Variants in EPRS1 observed in about 807,000 individuals in gnomAD.
The protein encoded by EPRS1 is bifunctional glutamate/proline--tRNA ligase.
In EPRS1, 107 loss-of-function variants were observed where a neutral mutation model predicts 188.3. The observed-to-expected ratio is 0.57, with a 90% CI of 0.49 to 0.67. The LOEUF is 0.67. Ranked by LOEUF, EPRS1 falls within the 30% of genes least tolerant of loss-of-function variation. The pLI is 0.00. For missense variants in EPRS1, 1,577 were observed against 1,802.2 expected (o/e 0.88, Z 2.26); for synonymous variants, 596 against 593.1 (o/e 1.00, Z -0.07).
intron 27 of EPRS1, among the ~76,000 whole-genome samples, chr1:219,978,937 T>TAC (rs1660832933): frequency 1.8e-5 from 1 of 55,630 alleles, no homozygotes; most frequent in African/African-American, 1.0e-4. Flanking sequence ...CTATTTTTCA[T>TAC]ATGTGTGTGT....
At chr1:220,024,586 G>C in intron 7 of EPRS1, 130 bp from the exon 8 acceptor site, 2 of 592,690 alleles carry the variant, frequency 3.4e-6, no homozygotes, top group Non-Finnish European at 5.7e-6. Flanking sequence ...AATGGTTGTG[G>C]AAGTTACATG....
At chr1:220,025,034 T>C (rs1661947861) in intron 7 of EPRS1, 98 bp downstream of exon 7, 2 of 1,219,660 alleles carry the variant, frequency 1.6e-6, no homozygotes, top group Non-Finnish European at 2.4e-6. Flanking sequence ...AAAGCAGCTA[T>C]GAGAACAAAA....
intron 18 of EPRS1, among the ~76,000 whole-genome samples, chr1:219,994,220 C>T (rs1241247081): frequency 6.6e-6 from 1 of 152,100 alleles, no homozygotes; most frequent in African/African-American, 2.4e-5. Context: ...TTCCACATCC[C>T]AAAGCTGCAC....
intron 8 of EPRS1, 26 bp from the exon 9 acceptor site, chr1:220,022,544 T>C (rs201744610): frequency 2.9e-5 from 44 of 1,538,770 alleles, no homozygotes; most frequent in Non-Finnish European, 3.7e-5. Flanking sequence ...TACATTACGG[T>C]TCACTAATCT....
intron 1 of EPRS1, among the ~76,000 whole-genome samples, chr1:220,044,859 A>G (rs1037003708): frequency 1.3e-5 from 2 of 152,168 alleles, no homozygotes; most frequent in African/African-American, 4.8e-5. Flanking sequence ...AGTAAGTGGC[A>G]GCCAGGATTG....
intron 29 of EPRS1, 65 bp from the exon 30 acceptor site, chr1:219,972,212 C>T: frequency 2.0e-6 from 2 of 996,376 alleles, no homozygotes; most frequent in South Asian, 1.6e-5. Context: ...TTTTATGAAA[C>T]ACATAAGCAC....
chr1:220,045,350 C>T (rs960986919), intron 1 of EPRS1, among the ~76,000 whole-genome samples: 2 of 151,974 alleles, frequency 1.3e-5, no homozygotes, highest in Non-Finnish European at 2.9e-5. Context: ...GACACAAACA[C>T]AAAATTAGCC....
chr1:220,019,201 T>C, intron 10 of EPRS1, 122 bp from the exon 11 acceptor site: 2 of 690,370 alleles, frequency 2.9e-6, no homozygotes, highest in Non-Finnish European at 5.1e-6. Context: ...AAGAGCTAGT[T>C]ATACTAATTA....
At chr1:219,969,819 TA>T (rs946715063) in intron 30 of EPRS1, among the ~76,000 whole-genome samples, 3 of 151,800 alleles carry the variant, frequency 2.0e-5, no homozygotes, top group African/African-American at 4.8e-5. Context: ...AGACAAGCAT[TA>T]AAAAAAAATT....
At chr1:220,026,376 G>A (rs188627060) in intron 6 of EPRS1, among the ~76,000 whole-genome samples, 145 of 152,190 alleles carry the variant, frequency 9.5e-4, no homozygotes, top group African/African-American at 3.4e-3. Context: ...TCAAGTACAT[G>A]AGTAAAAGAA....
intron 8 of EPRS1, among the ~76,000 whole-genome samples, chr1:220,023,417 T>G (rs1661913585): frequency 6.6e-6 from 1 of 152,186 alleles, no homozygotes; most frequent in Non-Finnish European, 1.5e-5. Flanking sequence ...AATGTGGCAC[T>G]CCAGGTTTAA....
chr1:220,043,960 A>T (rs1662350118), intron 1 of EPRS1, among the ~76,000 whole-genome samples: 1 of 152,170 alleles, frequency 6.6e-6, no homozygotes, highest in Non-Finnish European at 1.5e-5. Context: ...CATTAGATGG[A>T]AGCATTGTAT....
At chr1:219,973,216 A>G (rs760748249) in intron 29 of EPRS1, 22 bp downstream of exon 29, 4 of 1,605,528 alleles carry the variant, frequency 2.5e-6, no homozygotes, top group East Asian at 2.2e-5. Context: ...AGAGAGAGAC[A>G]TAAGCAATTT....
At chr1:220,000,997 C>A (rs944366594) in intron 17 of EPRS1, 141 bp downstream of exon 17, 37 of 647,126 alleles carry the variant, frequency 5.7e-5, no homozygotes, top group Non-Finnish European at 9.8e-5. Flanking sequence ...GAAAGGATAA[C>A]AACAAAATGC....
intron 6 of EPRS1, among the ~76,000 whole-genome samples, chr1:220,026,031 G>A (rs920556284): frequency 6.6e-6 from 1 of 152,178 alleles, no homozygotes; most frequent in African/African-American, 2.4e-5. Flanking sequence ...TTGACCTCGT[G>A]ATCCGCCTGC....
chr1:219,988,797 G>A lies in EPRS1; in HGVS notation c.2568C>T (p.Cys856=). The part of the protein sequence containing the change: ...PKAKINEAVE[C]LLSLKAQYKE... Reference sequence around the variant, plus strand: ...TATACTGAGCCTTCAGGGACAGTAAGCATTCTACAGCTTCATTTATTTTAG... The same window carrying A: ...TATACTGAGCCTTCAGGGACAGTAAACATTCTACAGCTTCATTTATTTTAG... The change falls in exon 19 of 32, where the codon TGC becomes TGT. Residue 856 remains cysteine (C), a synonymous_variant. Coordinates refer to ENST00000366923, the MANE Select transcript of EPRS1 (RefSeq NM_004446.3). 6.2e-7 allele frequency: 1 copy of A among 1,603,378 alleles called. No homozygotes were observed. Among genetic ancestry groups the A allele is most frequent in the Non-Finnish European group, 8.5e-7 (1 of 1,173,782 alleles).
intron 13 of EPRS1, among the ~76,000 whole-genome samples, chr1:220,010,378 C>T (rs1439013915): frequency 1.3e-5 from 2 of 152,106 alleles, no homozygotes; most frequent in African/African-American, 2.4e-5. Flanking sequence ...GCTAACTCTA[C>T]ACAATAAAAA....
chr1:220,002,649 G>A lies in EPRS1; in HGVS notation c.2064-1394C>T, dbSNP rs567785487. Among the ~76,000 whole-genome samples, 29 of 151,960 alleles carry A rather than the reference G, an allele frequency of 1.9e-4. No individual in the cohort carries two copies. In the South Asian group the frequency reaches 4.2e-3, roughly 22 times the overall value. ...CCATGGCAGGTGGATCTCTTGAGCC[G>A]AGGAGTTCAAGACTAGCCTGGGAAA... On this transcript the variant is annotated intron_variant, in intron 16 of 31. Transcript: ENST00000366923.
rs988698457 is a variant in EPRS1, at chr1:220,006,220, C to T, written c.1836G>A (p.Glu612=). ...KKTTKVTWLA[E]TTHALPIPVI... ...CTGGAATAGGAAGAGCATGTGTAGT[C>T]TCTGCAAGCCAAGTGACCTTAGTGG... Residue 612 remains glutamate (E), a synonymous_variant, in exon 15 of 32, where the codon GAG becomes GAA. Transcript: ENST00000366923. 1.2e-6 allele frequency: 2 copies of T among 1,603,838 alleles called. No individual in the cohort carries two copies. Among genetic ancestry groups the T allele is most frequent in the African/African-American group, 1.3e-5 (1 of 74,446 alleles).
Sources: allele counts gnomAD v4.1 joint callset (sites outside exome capture counted in the v4.1 genomes callset), GRCh38; gene constraint gnomAD v4.1.1; transcripts MANE v1.5; gene names NCBI Gene and HGNC (gene_info 2026-07-23, HGNC 2026-07-21).